ROBO1: variants seen among roughly 807,000 people sequenced by gnomAD.
ROBO1 encodes the protein roundabout guidance receptor 1, also known as roundabout homolog 1.
In ROBO1, 149 loss-of-function variants were observed where a neutral mutation model predicts 195.9. That is an observed-to-expected ratio of 0.76 (90% CI 0.67 to 0.87). The LOEUF is 0.87. ROBO1 is among the 40% of genes least tolerant of loss of function. The pLI is 0.00. For missense variants in ROBO1, 1,933 were observed against 2,068.3 expected (o/e 0.93, Z 1.27); for synonymous variants, 816 against 733.2 (o/e 1.11, Z -1.82).
At chr3:79,752,443 G>A (rs1704169787) in intron 1 of ROBO1, among the ~76,000 whole-genome samples, 1 of 152,096 alleles carries the variant, frequency 6.6e-6, no homozygotes, top group South Asian at 2.1e-4. Context: ...TAAGTATGAT[G>A]AGACATTTTA....
intron 2 of ROBO1, among the ~76,000 whole-genome samples, chr3:79,545,615 T>C (rs1447790423): frequency 1.3e-5 from 2 of 152,312 alleles, no homozygotes; most frequent in Non-Finnish European, 2.9e-5. Context: ...GTGATAATTA[T>C]TTTTAAAAAT....
chr3:79,119,083 A>G (rs1304366540), intron 3 of ROBO1, among the ~76,000 whole-genome samples: 2 of 152,164 alleles, frequency 1.3e-5, no homozygotes, highest in Non-Finnish European at 2.9e-5. Flanking sequence ...ATCTACATAT[A>G]TATTTGTTCA....
chr3:79,724,469 T>C (rs1382861250), intron 1 of ROBO1, among the ~76,000 whole-genome samples: 2 of 152,216 alleles, frequency 1.3e-5, no homozygotes, highest in African/African-American at 4.8e-5. Flanking sequence ...GGGGATGGCC[T>C]GTCCATGCCG....
At chr3:79,640,319 A>C (rs899520993) in intron 1 of ROBO1, among the ~76,000 whole-genome samples, 2 of 42,092 alleles carry the variant, frequency 4.8e-5, no homozygotes, top group African/African-American at 1.1e-4. Context: ...AAAAATTAAA[A>C]ATTTTCCTCT....
chr3:79,008,737 C>T (rs949363797), intron 3 of ROBO1, among the ~76,000 whole-genome samples: 1 of 139,146 alleles, frequency 7.2e-6, no homozygotes, highest in African/African-American at 2.7e-5. Context: ...TAAAAGCATG[C>T]ACCACTACAC....
intron 2 of ROBO1, among the ~76,000 whole-genome samples, chr3:79,484,772 T>TTTTTTTTTTTTTTTTA (rs35140187): frequency 1.4e-5 from 2 of 141,834 alleles, no homozygotes; most frequent in Admixed American, 7.3e-5. Flanking sequence ...TTTTTTTTTT[T>TTTTTTTTTTTTTTTTA]GAGACAGAGT....
intron 2 of ROBO1, among the ~76,000 whole-genome samples, chr3:79,424,258 C>A (rs552287202): frequency 6.6e-6 from 1 of 152,056 alleles, no homozygotes. Context: ...CTAGATTATT[C>A]AGGGGATTTC....
At chr3:79,737,949 T>C (rs1384250871) in intron 1 of ROBO1, among the ~76,000 whole-genome samples, 4 of 152,134 alleles carry the variant, frequency 2.6e-5, no homozygotes, top group Admixed American at 2.6e-4. Context: ...CTAACTTCCA[T>C]ACTCCCGCTG....
At chr3:79,535,857 C>T (rs1457959963) in intron 2 of ROBO1, among the ~76,000 whole-genome samples, 1 of 151,056 alleles carries the variant, frequency 6.6e-6, no homozygotes, top group East Asian at 1.9e-4. Context: ...ATTCCTTTTA[C>T]CAATATGAGG....
intron 3 of ROBO1, among the ~76,000 whole-genome samples, chr3:79,044,808 G>A (rs1464985711): frequency 6.6e-6 from 1 of 151,854 alleles, no homozygotes; most frequent in Non-Finnish European, 1.5e-5. Flanking sequence ...AAAATTAATG[G>A]ATACATAAGA....
At chr3:78,894,216 T>C (rs539279778) in intron 4 of ROBO1, among the ~76,000 whole-genome samples, 1 of 152,140 alleles carries the variant, frequency 6.6e-6, no homozygotes, top group Non-Finnish European at 1.5e-5. Context: ...TCAGAGATCA[T>C]GTGACAACTA....
chr3:79,166,560 C>CTTTTTTTTTTT (rs968334923), intron 2 of ROBO1, among the ~76,000 whole-genome samples: 6 of 135,104 alleles, frequency 4.4e-5, no homozygotes, highest in Admixed American at 1.5e-4. Flanking sequence ...TTCTATTTTT[C>CTTTTTTTTTTT]TTTTTTTTTT....
intron 2 of ROBO1, among the ~76,000 whole-genome samples, chr3:79,472,078 G>A (rs866301153): frequency 1.3e-5 from 2 of 152,064 alleles, no homozygotes; most frequent in African/African-American, 2.4e-5. Context: ...AGAACTTAAA[G>A]TATAATAAAA....
At chr3:79,641,596 C>T (rs543273114) in intron 1 of ROBO1, among the ~76,000 whole-genome samples, 1 of 152,096 alleles carries the variant, frequency 6.6e-6, no homozygotes, top group South Asian at 2.1e-4. Flanking sequence ...GAAACAGTGA[C>T]TGATCCTAGT....
At chr3:79,551,489 G>A (rs945606222) in intron 2 of ROBO1, among the ~76,000 whole-genome samples, 1 of 151,994 alleles carries the variant, frequency 6.6e-6, no homozygotes, top group Non-Finnish European at 1.5e-5. Flanking sequence ...ATAAAAATTT[G>A]TTGTGAAAAT....
chr3:78,650,774 A>G (rs1023782227), intron 19 of ROBO1, among the ~76,000 whole-genome samples: 3 of 152,210 alleles, frequency 2.0e-5, no homozygotes, highest in African/African-American at 7.2e-5. Flanking sequence ...TATAATTTGT[A>G]TAATCTGCCA....
chr3:78,775,272 G>C (rs1183758066), intron 4 of ROBO1, among the ~76,000 whole-genome samples: 1 of 152,190 alleles, frequency 6.6e-6, no homozygotes, highest in Non-Finnish European at 1.5e-5. Flanking sequence ...GCTCATGTGT[G>C]TAATTGTTAG....
intron 2 of ROBO1, among the ~76,000 whole-genome samples, chr3:79,250,557 T>C (rs1160998906): frequency 6.6e-6 from 1 of 150,908 alleles, no homozygotes; most frequent in Non-Finnish European, 1.5e-5. Context: ...AAATTTATAA[T>C]GTGTGTGGGG....
intron 3 of ROBO1, among the ~76,000 whole-genome samples, chr3:78,993,995 A>G (rs1328309128): frequency 5.3e-5 from 8 of 152,154 alleles, no homozygotes; most frequent in Non-Finnish European, 1.2e-4. Flanking sequence ...AGCTTTAAAA[A>G]AAAAAATGAC....
Sources: gnomAD v4.1 joint callset for allele counts (sites outside exome capture counted in the v4.1 genomes callset) on GRCh38, gnomAD v4.1.1 for gene constraint, MANE v1.5 for transcripts, NCBI Gene and HGNC (gene_info 2026-07-23, HGNC 2026-07-21) for gene names.